The following KHDRBS2 variants were observed in gnomAD, a reference collection of about 807,000 sequenced individuals.
KHDRBS2 encodes KH domain-containing, RNA-binding, signal transduction-associated protein 2.
KHDRBS2 carries 26 observed loss-of-function variants against 44.3 expected under a neutral mutation model. The ratio of observed to expected loss-of-function variants is 0.59; its 90% CI spans 0.43 to 0.81. The LOEUF (loss-of-function observed/expected upper bound fraction) is 0.81, where lower values mean the gene tolerates loss of function less well. KHDRBS2 is among the 40% of genes least tolerant of loss of function. The probability of loss-of-function intolerance (pLI) is 0.00; values close to 1 mark genes in which losing one functional copy is unlikely to be tolerated. For missense variants in KHDRBS2, 476 were observed against 433.1 expected (o/e 1.10, Z -0.88); for synonymous variants, 194 against 151.1 (o/e 1.28, Z -2.08).
At chr6:62,230,934 A>T (rs1354024622) in intron 1 of KHDRBS2, among the ~76,000 whole-genome samples, 1 of 152,218 alleles carries the variant, frequency 6.6e-6, no homozygotes, top group Non-Finnish European at 1.5e-5. Flanking sequence ...TAATTTAAAA[A>T]AATATTATAA....
At chr6:61,734,954 T>TA (rs1375357213) in intron 6 of KHDRBS2, among the ~76,000 whole-genome samples, 3 of 152,214 alleles carry the variant, frequency 2.0e-5, no homozygotes, top group African/African-American at 7.2e-5. Flanking sequence ...GGTGTTTTCC[T>TA]AAGGCCTCTT....
chr6:61,663,053 C>A, the KHDRBS2 span, among the ~76,000 whole-genome samples: 3 of 151,604 alleles, frequency 2.0e-5, no homozygotes, highest in Admixed American at 6.6e-5. Flanking sequence ...AAATACACCA[C>A]GGAATACTAT....
At chr6:61,941,052 G>C (rs2127375588) in intron 4 of KHDRBS2, among the ~76,000 whole-genome samples, 1 of 152,286 alleles carries the variant, frequency 6.6e-6, no homozygotes, top group South Asian at 2.1e-4. Context: ...ACCATGGCTG[G>C]CATCTTCATT....
At chr6:61,953,866 C>A (rs556517142) in intron 4 of KHDRBS2, among the ~76,000 whole-genome samples, 1 of 151,996 alleles carries the variant, frequency 6.6e-6, no homozygotes, top group Admixed American at 6.6e-5. Flanking sequence ...GCAAATAAAC[C>A]TAAACAAGAT....
intron 1 of KHDRBS2, among the ~76,000 whole-genome samples, chr6:62,251,141 T>C (rs1836456000): frequency 6.6e-6 from 1 of 151,906 alleles, no homozygotes; most frequent in African/African-American, 2.4e-5. Flanking sequence ...TGTATATAAC[T>C]TATAAGTTAT....
At chr6:61,866,862 C>T (rs539992204) in intron 6 of KHDRBS2, among the ~76,000 whole-genome samples, 1 of 152,342 alleles carries the variant, frequency 6.6e-6, no homozygotes, top group Admixed American at 6.5e-5. Flanking sequence ...GCTCCAGTTT[C>T]CAACAAGTTC....
At chr6:62,180,865 A>G (rs1365089610) in intron 1 of KHDRBS2, among the ~76,000 whole-genome samples, 2 of 151,848 alleles carry the variant, frequency 1.3e-5, no homozygotes, top group African/African-American at 4.8e-5. Flanking sequence ...GGAACATAAC[A>G]TGGAGTCCAG....
intron 2 of KHDRBS2, among the ~76,000 whole-genome samples, chr6:62,175,101 G>A (rs185815992): frequency 1.3e-5 from 2 of 151,564 alleles, no homozygotes; most frequent in Non-Finnish European, 3.0e-5. Context: ...AAAATATTAT[G>A]ATTTATTGTT....
chr6:61,817,077 A>G (rs1789075140), intron 6 of KHDRBS2: 1 of 405,328 alleles, frequency 2.5e-6, no homozygotes, highest in Admixed American at 2.7e-5. Context: ...TTCTAAAAAA[A>G]CTTTCCACAA....
chr6:61,837,763 T>C (rs1378945926), intron 6 of KHDRBS2, among the ~76,000 whole-genome samples: 1 of 152,012 alleles, frequency 6.6e-6, no homozygotes, highest in Non-Finnish European at 1.5e-5. Context: ...AACCAACTTC[T>C]GTGAACAACC....
chr6:62,093,143 C>T (rs957584914), intron 2 of KHDRBS2, among the ~76,000 whole-genome samples: 1 of 150,730 alleles, frequency 6.6e-6, no homozygotes, highest in Non-Finnish European at 1.5e-5. Context: ...ATTAAAAATC[C>T]TAAAGAAACT....
At chr6:62,182,463 G>C in intron 1 of KHDRBS2, among the ~76,000 whole-genome samples, 1 of 151,784 alleles carries the variant, frequency 6.6e-6, no homozygotes, top group East Asian at 1.9e-4. Context: ...CTTGTATTAA[G>C]TGTTTTACCA....
At chr6:61,606,691 G>A in the KHDRBS2 span, among the ~76,000 whole-genome samples, 1 of 152,154 alleles carries the variant, frequency 6.6e-6, no homozygotes, top group Non-Finnish European at 1.5e-5. Context: ...AACCTCACAG[G>A]TAGCAGCCCT....
At chr6:62,109,030 T>C (rs1373610562) in intron 2 of KHDRBS2, among the ~76,000 whole-genome samples, 1 of 151,490 alleles carries the variant, frequency 6.6e-6, no homozygotes, top group Non-Finnish European at 1.5e-5. Flanking sequence ...CACACCAGCA[T>C]GGCACATGTA....
intron 2 of KHDRBS2, among the ~76,000 whole-genome samples, chr6:62,082,956 C>T (rs759077043): frequency 5.3e-5 from 8 of 152,026 alleles, no homozygotes; most frequent in African/African-American, 7.2e-5. Flanking sequence ...GTTGAATTCC[C>T]GTCATTTACA....
chr6:61,853,337 T>C (rs1260563381), intron 6 of KHDRBS2, among the ~76,000 whole-genome samples: 2 of 152,200 alleles, frequency 1.3e-5, no homozygotes, highest in Non-Finnish European at 2.9e-5. Flanking sequence ...TACCACATAA[T>C]TTAACAATTT....
intron 2 of KHDRBS2, among the ~76,000 whole-genome samples, chr6:62,071,191 G>T (rs1562786563): frequency 6.6e-6 from 1 of 151,950 alleles, no homozygotes; most frequent in Non-Finnish European, 1.5e-5. Flanking sequence ...GGGGTTGTTT[G>T]TTTTTTTCTT....
At chr6:62,005,469 T>C (rs1779039664) in intron 3 of KHDRBS2, among the ~76,000 whole-genome samples, 1 of 151,940 alleles carries the variant, frequency 6.6e-6, no homozygotes, top group African/African-American at 2.4e-5. Context: ...AAAGATTAGA[T>C]ATTTCAGAGA....
In KHDRBS2 at chr6:61,733,506, G is replaced by T. The variant is rs535281493; in HGVS notation, c.811-742C>A. On this transcript the variant is annotated intron_variant, in intron 6 of 8. Coordinates refer to ENST00000281156, the MANE Select transcript of KHDRBS2 (RefSeq NM_152688.4). The stretch of plus-strand genomic sequence containing the variant: ...GCTGCTCAAGAGGCTGAGGCAGGGG[G>T]AATCACTTGAACCTGGGAGGCAGAG... 6.6e-5 allele frequency among the ~76,000 whole-genome samples: 10 copies of T among 151,658 alleles called. No individual in the cohort carries two copies. The East Asian group carries it at 9.8e-4, about 15-fold the overall frequency.
Sources: gnomAD v4.1 joint callset for allele counts (sites outside exome capture counted in the v4.1 genomes callset) on GRCh38, gnomAD v4.1.1 for gene constraint, MANE v1.5 for transcripts, NCBI Gene and HGNC (gene_info 2026-07-23, HGNC 2026-07-21) for gene names.